The following ADAMTSL1 variants were observed in gnomAD, a reference collection of about 807,000 sequenced individuals.
The protein encoded by ADAMTSL1 is ADAMTS like 1.
Under a neutral mutation model 201.8 loss-of-function variants are expected in ADAMTSL1, and 126 were observed. The ratio of observed to expected loss-of-function variants is 0.62; its 90% confidence interval spans 0.54 to 0.72. The LOEUF (loss-of-function observed/expected upper bound fraction) is 0.72, where lower values mean the gene tolerates loss of function less well. Ranked by LOEUF, ADAMTSL1 falls within the 30% of genes least tolerant of loss-of-function variation. The pLI is 0.00. For missense variants in ADAMTSL1, 2,679 were observed against 2,277.8 expected (o/e 1.18, Z -3.59); for synonymous variants, 1,121 against 903.4 (o/e 1.24, Z -4.32).
chr9:18,607,182 A>G (rs954972719), intron 4 of ADAMTSL1, among the ~76,000 whole-genome samples: 1 of 152,180 alleles, frequency 6.6e-6, no homozygotes, highest in Non-Finnish European at 1.5e-5. Context: ...AAATGTGTTC[A>G]TCTCCCCTTT....
chr9:18,807,666 AAAAC>A (rs1175058658), intron 20 of ADAMTSL1, among the ~76,000 whole-genome samples: 22 of 151,492 alleles, frequency 1.5e-4, no homozygotes, highest in African/African-American at 4.6e-4. Context: ...AAACAAAAAA[AAAAC>A]AAAGCATACA....
chr9:18,848,152 C>T (rs528876454), intron 23 of ADAMTSL1, among the ~76,000 whole-genome samples: 2 of 152,160 alleles, frequency 1.3e-5, no homozygotes, highest in East Asian at 3.9e-4. Context: ...ATGTGCCTGG[C>T]CATTTCCTTC....
intron 1 of ADAMTSL1, among the ~76,000 whole-genome samples, chr9:18,032,797 G>T (rs973212245): frequency 6.6e-6 from 1 of 152,174 alleles, no homozygotes; most frequent in Admixed American, 6.5e-5. Flanking sequence ...AGAAGTCTGT[G>T]GTGGAACTGT....
At chr9:18,084,349 C>T (rs1319419322) in intron 1 of ADAMTSL1, among the ~76,000 whole-genome samples, 1 of 151,108 alleles carries the variant, frequency 6.6e-6, no homozygotes, top group Non-Finnish European at 1.5e-5. Context: ...TGGTGAAACC[C>T]CGTCTCTACT....
chr9:18,795,198 T>G (rs562107475), intron 19 of ADAMTSL1, among the ~76,000 whole-genome samples, 199 bp from the exon 20 acceptor site: 29 of 152,082 alleles, frequency 1.9e-4, no homozygotes, highest in Admixed American at 1.6e-3. Context: ...ACCTCCTTAT[T>G]TGAGATCACT....
At chr9:17,965,891 T>C (rs571905791) in intron 1 of ADAMTSL1, among the ~76,000 whole-genome samples, 1 of 152,250 alleles carries the variant, frequency 6.6e-6, no homozygotes, top group Admixed American at 6.5e-5. Flanking sequence ...CCAGGCAGCT[T>C]TTTTGCTGAT....
intron 20 of ADAMTSL1, among the ~76,000 whole-genome samples, chr9:18,804,333 A>C (rs1822974434): frequency 6.6e-6 from 1 of 152,208 alleles, no homozygotes; most frequent in African/African-American, 2.4e-5. Flanking sequence ...TGGTGAAGAC[A>C]AAGGGTACAG....
intron 14 of ADAMTSL1, among the ~76,000 whole-genome samples, chr9:18,719,072 TC>T (rs1271443780): frequency 2.0e-5 from 3 of 152,208 alleles, no homozygotes; most frequent in Non-Finnish European, 2.9e-5. Flanking sequence ...AGTGATTATA[TC>T]AACTGTTTCT....
intron 4 of ADAMTSL1, among the ~76,000 whole-genome samples, chr9:18,607,698 G>C (rs891468526): frequency 1.3e-5 from 2 of 151,854 alleles, no homozygotes; most frequent in Non-Finnish European, 2.9e-5. Context: ...TTTAGCATTA[G>C]GTATATTTCC....
intron 2 of ADAMTSL1, among the ~76,000 whole-genome samples, chr9:18,222,162 C>A (rs1176325868): frequency 6.6e-6 from 1 of 151,614 alleles, no homozygotes; most frequent in East Asian, 1.9e-4. Context: ...TCAGTGTTTT[C>A]TTTATGTTCT....
chr9:18,885,875 C>A (rs1002859730), intron 23 of ADAMTSL1, among the ~76,000 whole-genome samples: 1 of 152,034 alleles, frequency 6.6e-6, no homozygotes, highest in African/African-American at 2.4e-5. Flanking sequence ...CGCACAATCT[C>A]AGGAAGGTCT....
intron 1 of ADAMTSL1, among the ~76,000 whole-genome samples, chr9:18,062,809 T>C (rs539369131): frequency 1.9e-4 from 29 of 152,328 alleles, no homozygotes; most frequent in African/African-American, 6.7e-4. Context: ...TTAAAATTTT[T>C]CCCTCTGATT....
chr9:18,241,801 A>G (rs901927539), intron 2 of ADAMTSL1, among the ~76,000 whole-genome samples: 2 of 152,152 alleles, frequency 1.3e-5, no homozygotes, highest in African/African-American at 2.4e-5. Flanking sequence ...GAAAAATACA[A>G]CATACAAAGA....
Position 17,959,323 on chromosome 9 carries a change from C to T in ADAMTSL1, c.87+52401C>T, listed in dbSNP as rs551345778. Among the ~76,000 whole-genome samples, 230 of 152,118 alleles carry T rather than the reference C, an allele frequency of 1.5e-3. 1 individual carries two copies. The highest frequency in any genetic ancestry group is 3.4e-3 in the Middle Eastern group (1 of 294). On this transcript the variant is annotated intron_variant, in intron 1 of 29. Coordinates refer to the ADAMTSL1 transcript ENST00000680146. ...TTGCATTAGAGGTCTGCTATTTTGG[C>T]GTTTTTGTATGATTAAAAGTTTAGC...
chr9:18,387,644 ATTTGT>A (rs1424275581), intron 2 of ADAMTSL1, among the ~76,000 whole-genome samples: 4 of 151,052 alleles, frequency 2.6e-5, no homozygotes, highest in Non-Finnish European at 5.9e-5. Context: ...ATTTATTTTC[ATTTGT>A]TTTTTTAATT....
chr9:18,436,933 C>T (rs532337667), intron 2 of ADAMTSL1, among the ~76,000 whole-genome samples: 1 of 152,254 alleles, frequency 6.6e-6, no homozygotes, highest in East Asian at 1.9e-4. Flanking sequence ...AGTTGACCCA[C>T]CATAAAGTTG....
intron 1 of ADAMTSL1, among the ~76,000 whole-genome samples, chr9:18,494,427 G>T (rs1199889018): frequency 6.6e-6 from 1 of 151,900 alleles, no homozygotes; most frequent in Non-Finnish European, 1.5e-5. Context: ...AGATGGCAGT[G>T]GCATTGCATC....
chr9:18,033,094 A>G (rs973775098), intron 1 of ADAMTSL1, among the ~76,000 whole-genome samples: 1 of 152,174 alleles, frequency 6.6e-6, no homozygotes, highest in Non-Finnish European at 1.5e-5. Flanking sequence ...TTATACAAAA[A>G]TAATATAATA....
chr9:18,153,743 T>C (rs1827024989), intron 1 of ADAMTSL1, among the ~76,000 whole-genome samples: 1 of 152,064 alleles, frequency 6.6e-6, no homozygotes. Flanking sequence ...CTTTATGTCA[T>C]TTCACAGCTA....
Sources: gnomAD v4.1 joint callset for allele counts (sites outside exome capture counted in the v4.1 genomes callset) on GRCh38, gnomAD v4.1.1 for gene constraint, MANE v1.5 for transcripts, NCBI Gene and HGNC (gene_info 2026-07-23, HGNC 2026-07-21) for gene names.